The following ZPLD1 variants were observed in gnomAD, a reference collection of about 807,000 sequenced individuals.
ZPLD1 encodes the protein zona pellucida-like domain-containing protein 1.
Under a neutral mutation model 47.2 loss-of-function variants are expected in ZPLD1, and 34 were observed. The observed-to-expected ratio is 0.72, with a 90% CI of 0.55 to 0.96. The LOEUF (loss-of-function observed/expected upper bound fraction) is 0.96, where lower values mean the gene tolerates loss of function less well. Among genes scored for constraint, ZPLD1 ranks in the 40% least tolerant of loss-of-function variants. ZPLD1 has a pLI of 0.00. For missense variants in ZPLD1, 512 were observed against 505.8 expected (o/e 1.01, Z -0.12); for synonymous variants, 176 against 186.2 (o/e 0.95, Z 0.45).
chr3:102,443,305 T>A (rs893199111), intron 3 of ZPLD1, among the ~76,000 whole-genome samples: 3 of 152,218 alleles, frequency 2.0e-5, no homozygotes, highest in Non-Finnish European at 4.4e-5. Context: ...ATAAGTTCCA[T>A]GTTTTGAGTA....
At chr3:102,463,715 A>G (rs576443872) in intron 7 of ZPLD1, among the ~76,000 whole-genome samples, 1 of 152,198 alleles carries the variant, frequency 6.6e-6, no homozygotes, top group South Asian at 2.1e-4. Context: ...TCCGCAAATA[A>G]CAAGTAATAA....
intron 7 of ZPLD1, among the ~76,000 whole-genome samples, chr3:102,400,047 G>A (rs1350372129): frequency 1.3e-5 from 2 of 151,890 alleles, no homozygotes; most frequent in African/African-American, 2.4e-5. Flanking sequence ...TTGAACTCCT[G>A]GGCTCAAGTG....
intron 11 of ZPLD1, 106 bp from the exon 12 acceptor site, chr3:102,477,337 T>C: frequency 8.7e-7 from 1 of 1,150,184 alleles, no homozygotes; most frequent in Non-Finnish European, 1.2e-6. Context: ...GCCATGCTGC[T>C]ATTCTATGAG....
At chr3:102,445,506 A>T (rs1418633827) in intron 3 of ZPLD1, among the ~76,000 whole-genome samples, 2 of 152,236 alleles carry the variant, frequency 1.3e-5, no homozygotes, top group Admixed American at 1.3e-4. Flanking sequence ...CAAAATACAA[A>T]GCTGTGACTT....
intron 7 of ZPLD1, among the ~76,000 whole-genome samples, chr3:102,415,178 T>C (rs530541779): frequency 2.2e-4 from 33 of 151,990 alleles, no homozygotes; most frequent in African/African-American, 7.7e-4. Flanking sequence ...TATTTGTGTA[T>C]AATAAGAGTA....
intron 3 of ZPLD1, among the ~76,000 whole-genome samples, chr3:102,445,426 CAAAT>C (rs1707242421): frequency 6.6e-6 from 1 of 152,134 alleles, no homozygotes; most frequent in South Asian, 2.1e-4. Flanking sequence ...GTAAATCAGA[CAAAT>C]AGATATTTGT....
intron 3 of ZPLD1, among the ~76,000 whole-genome samples, chr3:102,441,200 A>T (rs1221808709): frequency 6.6e-6 from 1 of 152,196 alleles, no homozygotes; most frequent in African/African-American, 2.4e-5. Flanking sequence ...GTAGTTATAT[A>T]CTTGTAAAGG....
intron 7 of ZPLD1, among the ~76,000 whole-genome samples, chr3:102,406,329 C>T (rs1706684786): frequency 6.6e-6 from 1 of 151,928 alleles, no homozygotes; most frequent in Non-Finnish European, 1.5e-5. Flanking sequence ...GCTTGACACA[C>T]AACTACACAA....
intron 6 of ZPLD1, among the ~76,000 whole-genome samples, chr3:102,458,917 G>A (rs1177161745): frequency 6.6e-6 from 1 of 151,718 alleles, no homozygotes; most frequent in Non-Finnish European, 1.5e-5. Context: ...GTGAAACCCT[G>A]TCTCTACTAA....
intron 7 of ZPLD1, among the ~76,000 whole-genome samples, chr3:102,412,127 G>A (rs985556576): frequency 1.1e-4 from 16 of 151,664 alleles, no homozygotes; most frequent in Non-Finnish European, 2.1e-4. Context: ...ATTGGATGAG[G>A]CCTATTTACA....
At chr3:102,462,775 C>T (rs1707529003) in intron 7 of ZPLD1, among the ~76,000 whole-genome samples, 1 of 151,978 alleles carries the variant, frequency 6.6e-6, no homozygotes. Flanking sequence ...AAGGACTCTG[C>T]ATAAGAGTGT....
At position 102,446,665 on chromosome 3, in the gene ZPLD1, C is replaced by A. The variant is rs558341831; in HGVS notation, c.107-6254C>A. Among the ~76,000 whole-genome samples the A allele has an allele frequency of 1.2e-4, 18 of 152,274 alleles. No homozygotes were observed. In the South Asian group the frequency reaches 2.1e-3, roughly 18 times the overall value. On this transcript the variant is annotated intron_variant, in intron 3 of 11. Transcript: ENST00000466937. ...TGACATCCCTTTTTCTTCATGCAGTCTTCTAATCACTTCCTTATAGAATCT... is the reference window on the plus strand; with the variant it reads ...TGACATCCCTTTTTCTTCATGCAGTATTCTAATCACTTCCTTATAGAATCT...
intron 10 of ZPLD1, among the ~76,000 whole-genome samples, chr3:102,476,554 A>G (rs561274039): frequency 1.3e-5 from 2 of 152,140 alleles, no homozygotes; most frequent in Non-Finnish European, 2.9e-5. Context: ...ACGTTGGGCA[A>G]ATTGGCAATA....
chr3:102,452,964 TGAA>T lies in ZPLD1; in HGVS notation c.155_157del (p.Lys52del). On this transcript the variant is annotated inframe_deletion, in exon 4 of 12. Coordinates refer to ENST00000466937, the MANE Select transcript of ZPLD1 (RefSeq NM_001329788.2). ...TATTGTGGAGTGCAGGCTATTACGA[TGAA>T]GATTAATTTTTGCACGGTACTTTTC... 1 of 1,614,142 alleles carries T rather than the reference TGAA, an allele frequency of 6.2e-7. No individual in the cohort carries two copies. The highest frequency in any genetic ancestry group is 8.5e-7 in the Non-Finnish European group (1 of 1,179,976).
intron 10 of ZPLD1, among the ~76,000 whole-genome samples, chr3:102,475,488 C>T (rs1707746027): frequency 6.6e-6 from 1 of 152,064 alleles, no homozygotes; most frequent in South Asian, 2.1e-4. Flanking sequence ...GAATAGCTTT[C>T]AAAAATAAAT....
At chr3:102,435,231 G>T (rs80291353) in intron 1 of ZPLD1, 77 bp downstream of exon 1, 2 of 1,529,506 alleles carry the variant, frequency 1.3e-6, no homozygotes, top group Non-Finnish European at 1.8e-6. Flanking sequence ...TATAAAGAAG[G>T]CTTGAAAATG....
chr3:102,419,225 A>G (rs1706846585), intron 8 of ZPLD1, among the ~76,000 whole-genome samples: 1 of 151,934 alleles, frequency 6.6e-6, no homozygotes, highest in Non-Finnish European at 1.5e-5. Flanking sequence ...AATCTCTATT[A>G]TTTCATTTTT....
intron 8 of ZPLD1, among the ~76,000 whole-genome samples, chr3:102,426,954 A>C (rs555397080): frequency 6.6e-6 from 1 of 152,226 alleles, no homozygotes; most frequent in Non-Finnish European, 1.5e-5. Context: ...ACACTCAGCC[A>C]CTTGACATCA....
chr3:102,404,690 C>T (rs961445866), intron 7 of ZPLD1, among the ~76,000 whole-genome samples: 3 of 151,960 alleles, frequency 2.0e-5, no homozygotes, highest in East Asian at 3.9e-4. Flanking sequence ...GAGGCCAGAG[C>T]CAATGCAGAG....
Sources: allele counts gnomAD v4.1 joint callset (sites outside exome capture counted in the v4.1 genomes callset), GRCh38; gene constraint gnomAD v4.1.1; transcripts MANE v1.5; gene names NCBI Gene and HGNC (gene_info 2026-07-23, HGNC 2026-07-21).